Variants in LRRIQ1 observed in about 807,000 individuals in gnomAD.
The protein encoded by LRRIQ1 is leucine-rich repeat- and IQ domain-containing protein 1.
LRRIQ1 carries 210 observed loss-of-function variants against 211.9 expected under a neutral mutation model. That is an observed-to-expected ratio of 0.99 (90% confidence interval 0.89 to 1.11). The LOEUF is 1.11. Among genes scored for constraint, LRRIQ1 ranks in the 50% most tolerant of loss-of-function variants. LRRIQ1 has a pLI of 0.00. For missense variants in LRRIQ1, 2,136 were observed against 1,939.5 expected (o/e 1.10, Z -1.90); for synonymous variants, 699 against 650.1 (o/e 1.08, Z -1.14).
chr12:85,036,587 A>G lies in LRRIQ1; in HGVS notation c.-25+180A>G, dbSNP rs111331871. Among the ~76,000 whole-genome samples, 38 of 152,232 alleles carry G rather than the reference A, an allele frequency of 2.5e-4. 1 individual carries two copies. Among genetic ancestry groups the G allele is most frequent in the African/African-American group, 9.1e-4 (38 of 41,558 alleles). On this transcript the variant is annotated intron_variant, in intron 1 of 26. Transcript: ENST00000393217. ...GCTCCCTTCCACCCTGGAGATTTCG[A>G]GAACTCATTCAAAACTTAAAGAGAT...
chr12:85,239,356 TACACAC>T (rs55912271), intron 26 of LRRIQ1, among the ~76,000 whole-genome samples: 90 of 145,148 alleles, frequency 6.2e-4, no homozygotes, highest in African/African-American at 1.6e-3. Context: ...AACTGTTTTA[TACACAC>T]ACACACACAC....
At chr12:85,243,711 G>GA in intron 26 of LRRIQ1, among the ~76,000 whole-genome samples, 1 of 151,398 alleles carries the variant, frequency 6.6e-6, no homozygotes, top group Middle Eastern at 3.4e-3. Flanking sequence ...AATAAATTTG[G>GA]AAAAATAGAA....
At position 85,104,017 on chromosome 12, in the gene LRRIQ1, G is replaced by T. The variant is rs146525952; in HGVS notation, c.3223G>T (p.Val1075Leu). The T allele has an allele frequency of 6.4e-7, 1 of 1,564,738 alleles. No individual in the cohort carries two copies. Among genetic ancestry groups the T allele is most frequent in the Non-Finnish European group, 8.7e-7 (1 of 1,155,220 alleles). Residue 1075 changes from valine to leucine, a missense_variant, in exon 14 of 27, where the codon GTA becomes TTA. Val to Leu is a conservative substitution (Grantham distance 32, BLOSUM62 1). Coordinates refer to ENST00000393217, the MANE Select transcript of LRRIQ1 (RefSeq NM_001079910.2). ...TISQNSLTKIVPLFHFVSLEK... is the reference protein window; with the variant it reads ...TISQNSLTKILPLFHFVSLEK... ...TTTTGTTTTCAGCTTGACTAAAATC[G>T]TACCACTTTTTCATTTTGTTTCATT... is the stretch of plus-strand genomic sequence containing the variant.
chr12:85,173,925 A>G (rs560937647), intron 24 of LRRIQ1, among the ~76,000 whole-genome samples: 138 of 152,248 alleles, frequency 9.1e-4, no homozygotes, highest in South Asian at 5.6e-3. Flanking sequence ...TGCAAGAGGA[A>G]ACATCTAAAA....
intron 7 of LRRIQ1, among the ~76,000 whole-genome samples, chr12:85,054,639 A>G (rs1880759844): frequency 6.6e-6 from 1 of 151,916 alleles, no homozygotes; most frequent in South Asian, 2.1e-4. Flanking sequence ...TTTGGGGAAA[A>G]CATCTCATTT....
intron 24 of LRRIQ1, 100 bp from the exon 25 acceptor site, chr12:85,229,417 T>A: frequency 1.1e-6 from 1 of 915,112 alleles, no homozygotes. Flanking sequence ...TTAGTATTTT[T>A]TTTTCTTTCT....
Position 85,056,074 on chromosome 12 carries a change from G to A in LRRIQ1, c.1281G>A (p.Val427=), listed in dbSNP as rs747593368. 9 of 1,593,748 alleles carry A rather than the reference G, an allele frequency of 5.6e-6. No homozygotes were observed. The highest frequency in any genetic ancestry group is 1.8e-5 in the Admixed American group (1 of 54,572). Residue 427 remains valine (V), a synonymous_variant, in exon 8 of 27, where the codon GTG becomes GTA. Coordinates refer to ENST00000393217, the MANE Select transcript of LRRIQ1 (RefSeq NM_001079910.2). ...NDKGDIAKNL[V]DENSKKQEDV... is the part of the protein sequence containing the mutation. Reference sequence around the variant, plus strand: ...AGGGTGATATAGCCAAAAATCTAGTGGATGAAAATTCAAAGAAGCAGGAAG... The same window carrying A: ...AGGGTGATATAGCCAAAAATCTAGTAGATGAAAATTCAAAGAAGCAGGAAG...
At chr12:85,165,716 G>C (rs1310717672) in intron 24 of LRRIQ1, among the ~76,000 whole-genome samples, 1 of 151,968 alleles carries the variant, frequency 6.6e-6, no homozygotes, top group Admixed American at 6.6e-5. Flanking sequence ...CAATCCACCC[G>C]CCTTGGCCTC....
chr12:85,260,069 G>A (rs1896239522), intron 1 of LRRIQ1, among the ~76,000 whole-genome samples: 2 of 136,082 alleles, frequency 1.5e-5, no homozygotes, highest in Admixed American at 1.6e-4. Context: ...TTATCTATAT[G>A]TGTTTCAATA....
intron 24 of LRRIQ1, among the ~76,000 whole-genome samples, chr12:85,191,548 G>C (rs1892512401): frequency 1.3e-5 from 2 of 152,012 alleles, no homozygotes; most frequent in Admixed American, 1.3e-4. Context: ...AAGTACCACA[G>C]TTTATGTAAC....
At chr12:85,135,630 T>C (rs575649900) in intron 18 of LRRIQ1, among the ~76,000 whole-genome samples, 1 of 118,124 alleles carries the variant, frequency 8.5e-6, no homozygotes, top group East Asian at 2.4e-4. Context: ...TAATGAGGTC[T>C]CCTAGCATTC....
At chr12:85,127,740 G>A in intron 17 of LRRIQ1, 92 bp from the exon 18 acceptor site, 2 of 1,020,950 alleles carry the variant, frequency 2.0e-6, no homozygotes, top group South Asian at 3.0e-5. Context: ...TGTGTTCTTT[G>A]TTTAAAATCT....
At chr12:85,162,886 G>A (rs1890964980) in intron 24 of LRRIQ1, 6 of 415,474 alleles carry the variant, frequency 1.4e-5, no homozygotes, top group South Asian at 1.1e-4. Flanking sequence ...TTTTGTTGTT[G>A]TTTGTTTAGG....
intron 11 of LRRIQ1, among the ~76,000 whole-genome samples, chr12:85,089,827 T>A (rs545302701): frequency 6.6e-6 from 1 of 152,106 alleles, no homozygotes; most frequent in Non-Finnish European, 1.5e-5. Flanking sequence ...AAAGCTTTTT[T>A]GGGGGGAGTA....
chr12:85,211,537 G>A (rs1893837692), intron 24 of LRRIQ1, among the ~76,000 whole-genome samples: 1 of 152,126 alleles, frequency 6.6e-6, no homozygotes, highest in Non-Finnish European at 1.5e-5. Flanking sequence ...CAGAGAGAGA[G>A]AAAGTATTGG....
At chr12:85,046,926 C>G (rs1879660810) in intron 5 of LRRIQ1, among the ~76,000 whole-genome samples, 1 of 150,230 alleles carries the variant, frequency 6.7e-6, no homozygotes, top group Non-Finnish European at 1.5e-5. Context: ...ACCGCATGTT[C>G]TCACTCATCG....
chr12:85,184,162 G>A (rs932234696), intron 24 of LRRIQ1, among the ~76,000 whole-genome samples: 6 of 151,914 alleles, frequency 3.9e-5, no homozygotes, highest in African/African-American at 1.4e-4. Context: ...AAGACAGTTC[G>A]ACTGAAATTC....
chr12:85,263,035 A>T (rs1023322865), exon 2 of LRRIQ1: 5 of 987,892 alleles, frequency 5.1e-6, no homozygotes, highest in Middle Eastern at 2.8e-4. Context: ...GGAAGTGGCA[A>T]AAAGAAGGCG....
chr12:85,104,009 C>A lies in LRRIQ1; in HGVS notation c.3215C>A (p.Thr1072Asn). The A allele has an allele frequency of 6.4e-7, 1 of 1,563,890 alleles. No individual in the cohort carries two copies. The highest frequency in any genetic ancestry group is 8.7e-7 in the Non-Finnish European group (1 of 1,154,134). The stretch of plus-strand genomic sequence containing the variant: ...GTTTTTGTTTTTGTTTTCAGCTTGA[C>A]TAAAATCGTACCACTTTTTCATTTT... The part of the protein sequence containing the change: ...QNITISQNSL[T>N]KIVPLFHFVS... Residue 1072 changes from threonine (T) to asparagine (N), a missense_variant, in exon 14 of 27, where the codon ACT becomes AAT. Coordinates refer to ENST00000393217, the MANE Select transcript of LRRIQ1 (RefSeq NM_001079910.2).
Sources: gnomAD v4.1 joint callset for allele counts (sites outside exome capture counted in the v4.1 genomes callset) on GRCh38, gnomAD v4.1.1 for gene constraint, MANE v1.5 for transcripts, NCBI Gene and HGNC (gene_info 2026-07-23, HGNC 2026-07-21) for gene names.